Variants in KIAA0825 observed in about 807,000 individuals in gnomAD.
KIAA0825 encodes the protein uncharacterized protein KIAA0825.
A neutral mutation model predicts 147.6 loss-of-function variants in KIAA0825; 119 were observed. The ratio of observed to expected loss-of-function variants is 0.81; its 90% CI spans 0.69 to 0.94. The LOEUF (loss-of-function observed/expected upper bound fraction) is 0.94. Among genes scored for constraint, KIAA0825 ranks in the 40% least tolerant of loss-of-function variants. The pLI, the probability that KIAA0825 is intolerant of heterozygous loss-of-function variation, is 0.00. For synonymous variants in KIAA0825, 470 were observed against 518.1 expected (o/e 0.91, Z 1.26); for missense variants, 1,381 against 1,472.7 (o/e 0.94, Z 1.02).
intron 20 of KIAA0825, among the ~76,000 whole-genome samples, chr5:94,373,649 G>A (rs1274016953): frequency 1.3e-5 from 2 of 151,976 alleles, no homozygotes; most frequent in South Asian, 2.1e-4. Flanking sequence ...GGGGGAAACC[G>A]CTCCCATGAT....
chr5:94,244,237 A>G (rs1408259588), intron 20 of KIAA0825, among the ~76,000 whole-genome samples: 1 of 152,170 alleles, frequency 6.6e-6, no homozygotes, highest in African/African-American at 2.4e-5. Flanking sequence ...AATAAACCAT[A>G]TCTTTATTCT....
Position 94,512,955 on chromosome 5 carries a change from G to A in KIAA0825, c.970+7293C>T, listed in dbSNP as rs533900408. ...ATAATTTTAAGAGGGTAAAGCAGAA[G>A]CTGGCAAAGTTTTAGGAAGTTTAGA... On this transcript the variant is annotated intron_variant, in intron 5 of 20. Coordinates refer to ENST00000682413, the MANE Select transcript of KIAA0825 (RefSeq NM_001145678.3). Among the ~76,000 whole-genome samples the A allele has an allele frequency of 3.3e-5, 5 of 152,202 alleles. No homozygotes were observed. In the South Asian group the frequency reaches 1.0e-3, roughly 32 times the overall value.
chr5:94,580,092 A>G (rs1015568164), intron 2 of KIAA0825, among the ~76,000 whole-genome samples: 3 of 152,196 alleles, frequency 2.0e-5, no homozygotes. Context: ...AAAATTTCAT[A>G]ATAACTTCCC....
chr5:94,192,467 T>A (rs368446678), intron 20 of KIAA0825, among the ~76,000 whole-genome samples: 2 of 152,222 alleles, frequency 1.3e-5, no homozygotes, highest in African/African-American at 4.8e-5. Context: ...AAAAGAAATA[T>A]ACTATATATG....
At chr5:94,452,572 A>C (rs1158443757) in intron 13 of KIAA0825, among the ~76,000 whole-genome samples, 1 of 152,208 alleles carries the variant, frequency 6.6e-6, no homozygotes, top group African/African-American at 2.4e-5. Context: ...GATCCTACTC[A>C]TAATTTAAAA....
At chr5:94,191,124 A>AT (rs1287619793) in intron 20 of KIAA0825, among the ~76,000 whole-genome samples, 2 of 152,116 alleles carry the variant, frequency 1.3e-5, no homozygotes, top group East Asian at 3.9e-4. Context: ...AAAATCACAT[A>AT]TTTTTTCTAT....
At chr5:94,418,274 A>T (rs545164893) in intron 14 of KIAA0825, among the ~76,000 whole-genome samples, 169 of 152,026 alleles carry the variant, frequency 1.1e-3, no homozygotes, top group Middle Eastern at 0.01. Context: ...TTTTCCTGTG[A>T]TTTGATTTTG....
chr5:94,189,099 A>G (rs765403815), intron 20 of KIAA0825, among the ~76,000 whole-genome samples: 4 of 152,266 alleles, frequency 2.6e-5, no homozygotes, highest in Non-Finnish European at 4.4e-5. Flanking sequence ...GTGCTTAAGT[A>G]TTTCCCTATT....
intron 20 of KIAA0825, among the ~76,000 whole-genome samples, chr5:94,356,781 A>G (rs1422463604): frequency 6.0e-5 from 8 of 133,246 alleles, no homozygotes; most frequent in African/African-American, 2.0e-4. Flanking sequence ...CTGGAGTACA[A>G]TGGTGTGATC....
intron 20 of KIAA0825, among the ~76,000 whole-genome samples, chr5:94,212,409 T>C (rs1026418921): frequency 6.6e-6 from 1 of 152,182 alleles, no homozygotes; most frequent in African/African-American, 2.4e-5. Context: ...TGTAAACATT[T>C]AGGAGACAAC....
intron 20 of KIAA0825, among the ~76,000 whole-genome samples, chr5:94,292,989 G>T (rs1777969165): frequency 6.6e-6 from 1 of 151,456 alleles, no homozygotes. Flanking sequence ...GTGTCTTTTT[G>T]ATTCTTCTCT....
chr5:94,360,422 T>C (rs1399509479), intron 20 of KIAA0825, among the ~76,000 whole-genome samples: 1 of 152,196 alleles, frequency 6.6e-6, no homozygotes, highest in Non-Finnish European at 1.5e-5. Flanking sequence ...CCTGCTGGGC[T>C]GCATTCCCAG....
chr5:94,537,314 T>A (rs999378508), intron 2 of KIAA0825, among the ~76,000 whole-genome samples, 187 bp from the exon 3 acceptor site: 2 of 152,204 alleles, frequency 1.3e-5, no homozygotes, highest in Non-Finnish European at 2.9e-5. Flanking sequence ...TTTCATTATT[T>A]AAATTTCATG....
At chr5:94,315,170 T>G (rs1046440392) in intron 20 of KIAA0825, among the ~76,000 whole-genome samples, 10 of 151,738 alleles carry the variant, frequency 6.6e-5, no homozygotes, top group African/African-American at 2.4e-4. Flanking sequence ...AAATAATAAA[T>G]TAGCCTAATT....
In KIAA0825 at chr5:94,153,086, C is replaced by G. The variant is rs931226338; in HGVS notation, c.*921G>C. On this transcript the variant is annotated 3_prime_UTR_variant, in exon 21 of 21. Coordinates refer to ENST00000682413, the MANE Select transcript of KIAA0825 (RefSeq NM_001145678.3). The stretch of plus-strand genomic sequence containing the variant: ...TATTATATCATAATATCTTCAATGT[C>G]TTTATAATCTAATATCAGGCAGTGA... 4 of 150,010 alleles carry G rather than the reference C, an allele frequency of 2.7e-5. No homozygotes were observed. The highest frequency in any genetic ancestry group is 9.8e-5 in the African/African-American group (4 of 40,798). 9.3% of individuals were successfully genotyped at this position (150,010 alleles called of 1,614,324 possible).
chr5:94,308,146 T>C (rs775447712), intron 20 of KIAA0825, among the ~76,000 whole-genome samples: 1 of 151,784 alleles, frequency 6.6e-6, no homozygotes, highest in Non-Finnish European at 1.5e-5. Flanking sequence ...ATTCAGGTGT[T>C]AGTCCTGGGA....
chr5:94,607,581 C>T (rs373965978), intron 1 of KIAA0825, among the ~76,000 whole-genome samples: 1 of 152,076 alleles, frequency 6.6e-6, no homozygotes, highest in East Asian at 1.9e-4. Context: ...TGCCTTCTAC[C>T]CTGGGTGACA....
chr5:94,213,166 A>T (rs1772883824), intron 20 of KIAA0825, among the ~76,000 whole-genome samples: 1 of 152,020 alleles, frequency 6.6e-6, no homozygotes, highest in Admixed American at 6.6e-5. Flanking sequence ...CTCTCCCCAC[A>T]AAAGGATTTT....
At chr5:94,396,682 T>C (rs1004163446) in intron 16 of KIAA0825, among the ~76,000 whole-genome samples, 173 bp from the exon 17 acceptor site, 2 of 151,996 alleles carry the variant, frequency 1.3e-5, no homozygotes, top group African/African-American at 2.4e-5. Flanking sequence ...CTACCTAAAA[T>C]TCCCCCAAAT....
Sources: gnomAD v4.1 joint callset for allele counts (sites outside exome capture counted in the v4.1 genomes callset) on GRCh38, gnomAD v4.1.1 for gene constraint, MANE v1.5 for transcripts, NCBI Gene and HGNC (gene_info 2026-07-23, HGNC 2026-07-21) for gene names.